Variants in YES1 observed in about 807,000 individuals in gnomAD.
The protein encoded by YES1 is YES proto-oncogene 1, Src family tyrosine kinase.
Under a neutral mutation model 70.4 loss-of-function variants are expected in YES1, and 39 were observed. The ratio of observed to expected loss-of-function variants is 0.55; its 90% CI spans 0.43 to 0.72. The LOEUF is 0.72. YES1 is among the 30% of genes least tolerant of loss of function. The probability of loss-of-function intolerance (pLI) is 0.00; values close to 1 mark genes in which losing one functional copy is unlikely to be tolerated. For synonymous variants in YES1, 198 were observed against 218.6 expected (o/e 0.91, Z 0.83); for missense variants, 495 against 644.8 (o/e 0.77, Z 2.52).
chr18:732,017 C>T (rs7228136), intron 11 of YES1, among the ~76,000 whole-genome samples: 86,963 of 148,362 alleles, frequency 0.59, 25,825 homozygotes, highest in East Asian at 0.7. Context: ...GAAACACTTT[C>T]ATTTTTCCTC....
chr18:805,628 G>C (rs1037653388), intron 1 of YES1, among the ~76,000 whole-genome samples: 1 of 152,158 alleles, frequency 6.6e-6, no homozygotes, highest in Non-Finnish European at 1.5e-5. Flanking sequence ...CTAAAATCTA[G>C]ATAGTGTTAG....
Position 804,359 on chromosome 18 carries a change from ATACTTTG to A in YES1, c.-9+7748_-9+7754del, listed in dbSNP as rs61439561. 2.4e-3 allele frequency among the ~76,000 whole-genome samples: 364 copies of A among 152,170 alleles called. 2 individuals are homozygous for A. Among genetic ancestry groups the A allele is most frequent in the African/African-American group, 8.3e-3 (344 of 41,526 alleles). On this transcript the variant is annotated intron_variant, in intron 1 of 11. Transcript: ENST00000314574. The stretch of plus-strand genomic sequence containing the variant: ...ACAGTGGCTCACGCCTGTAATCCCA[ATACTTTG>A]GGAGGCCAAGGCAGGCAGATCACCT...
intron 1 of YES1, among the ~76,000 whole-genome samples, chr18:757,465 T>C (rs550956613): frequency 1.9e-3 from 269 of 143,662 alleles, no homozygotes; most frequent in African/African-American, 5.5e-3. Flanking sequence ...ATCGCGCCAC[T>C]GCACTCCAGC....
At chr18:787,546 C>T (rs1435390581) in intron 1 of YES1, among the ~76,000 whole-genome samples, 1 of 152,038 alleles carries the variant, frequency 6.6e-6, no homozygotes, top group Middle Eastern at 3.2e-3. Context: ...CCCATCTCTA[C>T]TAAAAATACA....
At chr18:772,454 T>TA (rs576755020) in intron 1 of YES1, among the ~76,000 whole-genome samples, 250 of 151,828 alleles carry the variant, frequency 1.6e-3, no homozygotes, top group African/African-American at 5.7e-3. Context: ...TTTTTTGAGA[T>TA]AGAGTCTCAC....
chr18:742,330 G>C (rs868542725), intron 8 of YES1, among the ~76,000 whole-genome samples: 2 of 151,958 alleles, frequency 1.3e-5, no homozygotes, highest in South Asian at 4.1e-4. Flanking sequence ...ATTGAAGGTA[G>C]TGGGGAGGCC....
intron 1 of YES1, among the ~76,000 whole-genome samples, chr18:769,688 C>T (rs185163235): frequency 3.3e-5 from 5 of 152,074 alleles, no homozygotes; most frequent in Non-Finnish European, 7.4e-5. Flanking sequence ...GGTTTTTTTC[C>T]TTTATTCAAT....
At chr18:765,247 A>AATATATATATATATATATATATAT (rs1568204656) in intron 1 of YES1, among the ~76,000 whole-genome samples, 1 of 62,366 alleles carries the variant, frequency 1.6e-5, no homozygotes, top group African/African-American at 5.6e-5. Flanking sequence ...AAGAGTTACA[A>AATATATATATATATATATATATAT]CTATATATAT....
intron 1 of YES1, among the ~76,000 whole-genome samples, chr18:757,107 A>T (rs2080417460): frequency 6.6e-6 from 1 of 152,194 alleles, no homozygotes; most frequent in Admixed American, 6.5e-5. Context: ...GGAAAAAACC[A>T]TGGGCTCTGA....
intron 11 of YES1, among the ~76,000 whole-genome samples, chr18:732,432 G>GT (rs142687649): frequency 6.0e-4 from 55 of 92,028 alleles, no homozygotes; most frequent in Middle Eastern, 6.3e-3. Flanking sequence ...GCAAGACTGT[G>GT]TTTAAAAAAA....
chr18:801,693 G>A (rs932863065), intron 1 of YES1, among the ~76,000 whole-genome samples: 1 of 152,172 alleles, frequency 6.6e-6, no homozygotes, highest in Admixed American at 6.5e-5. Flanking sequence ...ACATATATAT[G>A]TATAGAGAGT....
chr18:751,334 CCTTT>C (rs888146806), intron 3 of YES1, among the ~76,000 whole-genome samples: 1 of 151,638 alleles, frequency 6.6e-6, no homozygotes, highest in Non-Finnish European at 1.5e-5. Context: ...TTCTCCCCCT[CCTTT>C]TTTTTTAATA....
At position 797,089 on chromosome 18, in the gene YES1, T is replaced by A. The variant is rs114385864; in HGVS notation, c.-9+15025A>T. ...ACAGAAGGAACATTATGCACAGACATGGAAAAGTCTTTGCAACATAAAGAC... is the reference window on the plus strand; with the variant it reads ...ACAGAAGGAACATTATGCACAGACAAGGAAAAGTCTTTGCAACATAAAGAC... On this transcript the variant is annotated intron_variant, in intron 1 of 11. Transcript: ENST00000314574. 7.7e-3 allele frequency among the ~76,000 whole-genome samples: 1,167 copies of A among 152,054 alleles called. 15 individuals are homozygous for A. Among genetic ancestry groups the A allele is most frequent in the African/African-American group, 0.027 (1,114 of 41,480 alleles).
At chr18:743,571 A>T (rs1266029011) in intron 6 of YES1, among the ~76,000 whole-genome samples, 156 bp from the exon 7 acceptor site, 1 of 152,250 alleles carries the variant, frequency 6.6e-6, no homozygotes, top group Non-Finnish European at 1.5e-5. Flanking sequence ...GTTGTCCATA[A>T]GCAGCAAAAC....
At chr18:797,872 AT>A (rs1389942577) in intron 1 of YES1, 1 of 152,200 alleles carries the variant, frequency 6.6e-6, no homozygotes, top group African/African-American at 2.4e-5. Context: ...TTGAGATATA[AT>A]TCTTCTAGAC....
intron 10 of YES1, among the ~76,000 whole-genome samples, chr18:733,752 CA>C (rs2080117893): frequency 8.3e-6 from 1 of 120,294 alleles, no homozygotes. Flanking sequence ...CACTGCACTC[CA>C]GCCTGGGCAA....
intron 1 of YES1, among the ~76,000 whole-genome samples, chr18:779,295 T>C (rs996897740): frequency 6.6e-6 from 1 of 151,386 alleles, no homozygotes. Flanking sequence ...TCCTGGCTAC[T>C]CAGAAGGCTG....
At chr18:727,583 G>T (rs993868864) in intron 11 of YES1, among the ~76,000 whole-genome samples, 9 of 110,568 alleles carry the variant, frequency 8.1e-5, no homozygotes, top group African/African-American at 2.7e-4. Flanking sequence ...TCCTCTGTTG[G>T]CTTTTTGTCT....
At chr18:810,467 C>T (rs1202504770) in intron 1 of YES1, among the ~76,000 whole-genome samples, 1 of 152,108 alleles carries the variant, frequency 6.6e-6, no homozygotes, top group African/African-American at 2.4e-5. Flanking sequence ...TTCAGATGAA[C>T]AGAAAGGAAT....
Sources: allele counts gnomAD v4.1 joint callset (sites outside exome capture counted in the v4.1 genomes callset), GRCh38; gene constraint gnomAD v4.1.1; transcripts MANE v1.5; gene names NCBI Gene and HGNC (gene_info 2026-07-23, HGNC 2026-07-21).